The following STK10 variants were observed in gnomAD, a reference collection of about 807,000 sequenced individuals.
STK10 encodes the protein serine/threonine kinase 10.
Under a neutral mutation model 113.8 loss-of-function variants are expected in STK10, and 78 were observed. That is an observed-to-expected ratio of 0.69 (90% CI 0.57 to 0.83). The LOEUF is 0.83. Among genes scored for constraint, STK10 ranks in the 40% least tolerant of loss-of-function variants. The pLI is 0.00. For synonymous variants in STK10, 465 were observed against 494.7 expected (o/e 0.94, Z 0.80); for missense variants, 1,109 against 1,280.1 (o/e 0.87, Z 2.04).
At chr5:172,060,603 A>C (rs1767910979) in intron 14 of STK10, among the ~76,000 whole-genome samples, 1 of 152,188 alleles carries the variant, frequency 6.6e-6, no homozygotes, top group African/African-American at 2.4e-5. Flanking sequence ...AGCCTCCAGA[A>C]GTGTGGGAAA....
At chr5:172,146,817 A>G (rs1363256357) in intron 2 of STK10, among the ~76,000 whole-genome samples, 1 of 152,268 alleles carries the variant, frequency 6.6e-6, no homozygotes, top group African/African-American at 2.4e-5. Flanking sequence ...TCATCAACAC[A>G]GAAGACATCT....
intron 12 of STK10, among the ~76,000 whole-genome samples, chr5:172,069,824 T>C (rs1277717572): frequency 6.6e-6 from 1 of 152,184 alleles, no homozygotes; most frequent in Non-Finnish European, 1.5e-5. Context: ...CTACTTGACA[T>C]TTATAGAATA....
At chr5:172,085,580 T>C (rs574756382) in intron 10 of STK10, among the ~76,000 whole-genome samples, 9 of 151,058 alleles carry the variant, frequency 6.0e-5, no homozygotes, top group Non-Finnish European at 1.3e-4. Context: ...TCCCAGCTAC[T>C]TGGGAGGCTG....
At chr5:172,099,385 AC>A (rs764649535) in intron 7 of STK10, among the ~76,000 whole-genome samples, 19 of 152,168 alleles carry the variant, frequency 1.2e-4, no homozygotes, top group Non-Finnish European at 2.2e-4. Context: ...ACTAAAAATA[AC>A]AAAAATTAGC....
At chr5:172,085,290 A>T (rs986861543) in intron 10 of STK10, among the ~76,000 whole-genome samples, 1 of 152,010 alleles carries the variant, frequency 6.6e-6, no homozygotes, top group Non-Finnish European at 1.5e-5. Context: ...CCCTAATTAT[A>T]TATATATATT....
chr5:172,150,348 G>C (rs1437351745), intron 2 of STK10, among the ~76,000 whole-genome samples: 1 of 151,766 alleles, frequency 6.6e-6, no homozygotes, highest in African/African-American at 2.4e-5. Flanking sequence ...GGGTGTGGTG[G>C]TGCATGCCTG....
intron 8 of STK10, among the ~76,000 whole-genome samples, chr5:172,095,609 C>T (rs981520265): frequency 5.9e-5 from 9 of 152,244 alleles, no homozygotes; most frequent in African/African-American, 1.7e-4. Flanking sequence ...GTGATGATTC[C>T]GCTTGCCCTG....
At chr5:172,081,933 G>A (rs1433557786) in intron 12 of STK10, among the ~76,000 whole-genome samples, 1 of 152,158 alleles carries the variant, frequency 6.6e-6, no homozygotes, top group Non-Finnish European at 1.5e-5. Flanking sequence ...AGAGGGTGGA[G>A]CATAGAGGGC....
chr5:172,175,525 A>G (rs997162515), intron 1 of STK10, among the ~76,000 whole-genome samples: 4 of 152,060 alleles, frequency 2.6e-5, no homozygotes, highest in Admixed American at 2.6e-4. Context: ...GGGCCCCAGG[A>G]GCACTCAGCT....
At chr5:172,109,110 TA>T (rs551088383) in intron 4 of STK10, among the ~76,000 whole-genome samples, 4 of 151,998 alleles carry the variant, frequency 2.6e-5, no homozygotes, top group Non-Finnish European at 5.9e-5. Flanking sequence ...TATATTACTG[TA>T]AAAGGTTAAG....
chr5:172,047,015 C>T (rs1046296837), intron 18 of STK10, among the ~76,000 whole-genome samples: 2 of 152,166 alleles, frequency 1.3e-5, no homozygotes, highest in East Asian at 1.9e-4. Flanking sequence ...CCAGATATTC[C>T]GTACTTACTC....
intron 1 of STK10, among the ~76,000 whole-genome samples, chr5:172,170,813 C>A (rs532864958): frequency 1.3e-5 from 2 of 152,294 alleles, no homozygotes; most frequent in African/African-American, 2.4e-5. Flanking sequence ...GTGAAAGGTG[C>A]CCATGGGCTC....
At chr5:172,124,788 T>C (rs961933113) in intron 3 of STK10, among the ~76,000 whole-genome samples, 3 of 152,166 alleles carry the variant, frequency 2.0e-5, no homozygotes, top group African/African-American at 7.2e-5. Flanking sequence ...TCAACTCTTA[T>C]GAACGGTCTC....
chr5:172,182,978 A>AG (rs1056200432), intron 1 of STK10, among the ~76,000 whole-genome samples: 1 of 152,130 alleles, frequency 6.6e-6, no homozygotes, highest in Non-Finnish European at 1.5e-5. Context: ...TGGCTGAGGC[A>AG]GGAGGATCAC....
intron 10 of STK10, among the ~76,000 whole-genome samples, chr5:172,089,978 T>C (rs1191675001): frequency 6.6e-6 from 1 of 151,586 alleles, no homozygotes; most frequent in Non-Finnish European, 1.5e-5. Context: ...GACGGATGGG[T>C]GGATAGATGA....
chr5:172,073,015 C>T (rs1768231062), intron 12 of STK10, among the ~76,000 whole-genome samples: 1 of 152,152 alleles, frequency 6.6e-6, no homozygotes, highest in Admixed American at 6.6e-5. Flanking sequence ...ACTTTGTTCC[C>T]AGGCTAAAGC....
intron 5 of STK10, 112 bp from the exon 6 acceptor site, chr5:172,106,926 C>T: frequency 1.9e-6 from 2 of 1,064,754 alleles, no homozygotes; most frequent in Non-Finnish European, 2.7e-6. Context: ...GCAGCACTCC[C>T]GAATCATGAT....
intron 3 of STK10, among the ~76,000 whole-genome samples, chr5:172,119,665 C>T (rs1561815439): frequency 6.6e-6 from 1 of 151,604 alleles, no homozygotes; most frequent in Non-Finnish European, 1.5e-5. Context: ...GAGATCGAGA[C>T]CATCCTGGCT....
intron 2 of STK10, among the ~76,000 whole-genome samples, chr5:172,150,195 C>T (rs1216230913): frequency 2.0e-5 from 3 of 151,648 alleles, no homozygotes; most frequent in African/African-American, 7.3e-5. Flanking sequence ...ACTCAGGTCT[C>T]CTAGGCTGGG....
Sources: gnomAD v4.1 joint callset for allele counts (sites outside exome capture counted in the v4.1 genomes callset) on GRCh38, gnomAD v4.1.1 for gene constraint, MANE v1.5 for transcripts, NCBI Gene and HGNC (gene_info 2026-07-23, HGNC 2026-07-21) for gene names.